Variants in ERC2 observed in about 807,000 individuals in gnomAD.
The protein encoded by ERC2 is ELKS/RAB6-interacting/CAST family member 2, also known as ERC protein 2.
Under a neutral mutation model 114.8 loss-of-function variants are expected in ERC2, and 42 were observed. That is an observed-to-expected ratio of 0.37 (90% CI 0.29 to 0.47). The LOEUF (loss-of-function observed/expected upper bound fraction) is 0.47. Ranked by LOEUF, ERC2 falls within the 20% of genes least tolerant of loss-of-function variation. ERC2 has a pLI of 0.99. For missense variants in ERC2, 939 were observed against 1,150.7 expected (o/e 0.82, Z 2.66); for synonymous variants, 454 against 425.5 (o/e 1.07, Z -0.82).
chr3:55,813,615 T>A (rs59686659), intron 14 of ERC2, among the ~76,000 whole-genome samples: 2 of 152,158 alleles, frequency 1.3e-5, no homozygotes, highest in African/African-American at 4.8e-5. Flanking sequence ...GGGAACTGTC[T>A]GACCAGGTAG....
intron 10 of ERC2, among the ~76,000 whole-genome samples, chr3:56,003,957 T>C (rs970304974): frequency 2.0e-5 from 3 of 152,038 alleles, no homozygotes; most frequent in South Asian, 2.1e-4. Context: ...TGGGGCTCAA[T>C]GTCAAGGTGT....
chr3:55,979,343 A>C (rs1034628329), intron 12 of ERC2, among the ~76,000 whole-genome samples: 4 of 152,204 alleles, frequency 2.6e-5, no homozygotes, highest in African/African-American at 9.6e-5. Context: ...TTATGTTCTC[A>C]AAACCTGAAA....
At chr3:56,071,376 C>T (rs1268304367) in intron 7 of ERC2, among the ~76,000 whole-genome samples, 1 of 152,188 alleles carries the variant, frequency 6.6e-6, no homozygotes, top group African/African-American at 2.4e-5. Flanking sequence ...TCACATCATC[C>T]CTCAGGTACT....
At chr3:55,552,668 C>G (rs1374806444) in intron 17 of ERC2, among the ~76,000 whole-genome samples, 1 of 150,740 alleles carries the variant, frequency 6.6e-6, no homozygotes, top group African/African-American at 2.4e-5. Flanking sequence ...AAGAAAGGAA[C>G]CCCTGAAAAT....
chr3:56,390,870 G>A (rs1484534398), intron 2 of ERC2, among the ~76,000 whole-genome samples: 1 of 152,152 alleles, frequency 6.6e-6, no homozygotes, highest in African/African-American at 2.4e-5. Context: ...CTCCCAGGGT[G>A]GAAGAGACCA....
intron 14 of ERC2, among the ~76,000 whole-genome samples, chr3:55,879,719 A>G (rs1431628745): frequency 1.3e-5 from 2 of 152,154 alleles, no homozygotes; most frequent in African/African-American, 2.4e-5. Context: ...TTTTCTTCAC[A>G]CTTTATTCAT....
At chr3:55,856,527 C>T (rs991773872) in intron 14 of ERC2, among the ~76,000 whole-genome samples, 1 of 151,976 alleles carries the variant, frequency 6.6e-6, no homozygotes, top group South Asian at 2.1e-4. Context: ...TATATATACA[C>T]ACACATATAC....
chr3:56,376,012 C>T (rs1038006423), intron 2 of ERC2, among the ~76,000 whole-genome samples: 2 of 152,112 alleles, frequency 1.3e-5, no homozygotes, highest in South Asian at 4.1e-4. Flanking sequence ...TGAATCCTTC[C>T]AACAACCGCA....
At chr3:56,188,818 G>T (rs1011211360) in intron 3 of ERC2, among the ~76,000 whole-genome samples, 4 of 152,148 alleles carry the variant, frequency 2.6e-5, no homozygotes, top group East Asian at 1.9e-4. Flanking sequence ...TCATGCCTCC[G>T]TGACGCAGCT....
At chr3:55,598,778 G>C (rs551311553) in intron 17 of ERC2, among the ~76,000 whole-genome samples, 1 of 152,320 alleles carries the variant, frequency 6.6e-6, no homozygotes, top group South Asian at 2.1e-4. Flanking sequence ...AGGAAGATGG[G>C]GCTGCTGTAG....
At chr3:56,377,587 T>C (rs751690419) in intron 2 of ERC2, among the ~76,000 whole-genome samples, 12 of 152,182 alleles carry the variant, frequency 7.9e-5, no homozygotes, top group Non-Finnish European at 1.8e-4. Flanking sequence ...AGCAATATTA[T>C]GCATAAAGAT....
intron 13 of ERC2, among the ~76,000 whole-genome samples, chr3:55,931,148 T>TAGGGAAAA: frequency 6.6e-6 from 1 of 152,186 alleles, no homozygotes; most frequent in Non-Finnish European, 1.5e-5. Context: ...TTTTACACTG[T>TAGGGAAAA]TGGTGAGAGT....
intron 7 of ERC2, among the ~76,000 whole-genome samples, chr3:56,028,569 C>T (rs910753602): frequency 6.6e-6 from 1 of 151,790 alleles, no homozygotes; most frequent in South Asian, 2.1e-4. Context: ...AACTGTAAAC[C>T]GTCTTATATT....
intron 14 of ERC2, among the ~76,000 whole-genome samples, chr3:55,795,051 A>G (rs1246653954): frequency 6.6e-6 from 1 of 152,218 alleles, no homozygotes; most frequent in African/African-American, 2.4e-5. Flanking sequence ...GCTTACATTT[A>G]AACATATTTT....
chr3:56,312,512 AGAT>A (rs1295284122), intron 2 of ERC2, among the ~76,000 whole-genome samples: 1 of 152,212 alleles, frequency 6.6e-6, no homozygotes, highest in Non-Finnish European at 1.5e-5. Context: ...TAAATACTCA[AGAT>A]GATGAAGTAT....
chr3:55,906,868 C>T (rs1038132716), intron 13 of ERC2, among the ~76,000 whole-genome samples: 7 of 152,088 alleles, frequency 4.6e-5, no homozygotes, highest in Admixed American at 3.9e-4. Context: ...CAAAGGATTC[C>T]CTGGCTCATT....
chr3:55,971,224 C>A (rs2069132453), intron 12 of ERC2, among the ~76,000 whole-genome samples: 1 of 151,910 alleles, frequency 6.6e-6, no homozygotes, highest in Non-Finnish European at 1.5e-5. Context: ...TATGGGGTTT[C>A]TTTCTGGGGT....
intron 15 of ERC2, among the ~76,000 whole-genome samples, chr3:55,733,158 G>T (rs530066158): frequency 6.6e-6 from 1 of 152,284 alleles, no homozygotes; most frequent in South Asian, 2.1e-4. Context: ...GGAGAGGAGG[G>T]TGCAGGGAAG....
At chr3:56,159,198 C>G (rs977819231) in intron 4 of ERC2, among the ~76,000 whole-genome samples, 1 of 152,118 alleles carries the variant, frequency 6.6e-6, no homozygotes, top group South Asian at 2.1e-4. Flanking sequence ...AGAAGCCAAG[C>G]AAATGCCAGC....
Sources: allele counts gnomAD v4.1 joint callset (sites outside exome capture counted in the v4.1 genomes callset), GRCh38; gene constraint gnomAD v4.1.1; transcripts MANE v1.5; gene names NCBI Gene and HGNC (gene_info 2026-07-23, HGNC 2026-07-21).